ASTN2: variants seen among roughly 807,000 people sequenced by gnomAD.
ASTN2 encodes astrotactin-2.
A neutral mutation model predicts 139.8 loss-of-function variants in ASTN2; 54 were observed. That is an observed-to-expected ratio of 0.39 (90% CI 0.31 to 0.48). The LOEUF (loss-of-function observed/expected upper bound fraction) is 0.48, where lower values mean the gene tolerates loss of function less well. Ranked by LOEUF, ASTN2 falls within the 20% of genes least tolerant of loss-of-function variation. The pLI is 0.95. For synonymous variants in ASTN2, 756 were observed against 719.5 expected (o/e 1.05, Z -0.81); for missense variants, 1,565 against 1,725.1 (o/e 0.91, Z 1.64).
intron 16 of ASTN2, chr9:116,687,205 C>A: frequency 9.9e-7 from 1 of 1,010,970 alleles, no homozygotes; most frequent in African/African-American, 1.7e-5. Context: ...CGCCTTGCCC[C>A]GCGCGCTTGG....
Position 116,632,146 on chromosome 9 carries a change from GAGAGAGAGAGAC to G in ASTN2, c.3073-11715_3073-11704del, listed in dbSNP as rs1335784152. ...GAAAAAGAAGAGAGAGAGAGAGAGA[GAGAGAGAGAGAC>G]AGAGAGAGAGAGAGAGAGAGAGAGA... On this transcript the variant is annotated intron_variant, in intron 17 of 22. Coordinates refer to ENST00000313400, the MANE Select transcript of ASTN2 (RefSeq NM_001365068.1). Among the ~76,000 whole-genome samples the G allele has an allele frequency of 1.5e-3, 124 of 84,134 alleles. 3 individuals are homozygous for G. The highest frequency in any genetic ancestry group is 2.5e-3 in the Non-Finnish European group (108 of 43,654). The allele number at this position is 84,134 out of a possible 152,430, so 55.2% of individuals were successfully genotyped here. A position where few individuals can be genotyped will look rare whatever the true frequency, so the allele number is the denominator to read the frequency against.
chr9:116,577,298 G>T (rs1035749231), intron 19 of ASTN2, among the ~76,000 whole-genome samples: 5 of 152,182 alleles, frequency 3.3e-5, no homozygotes, highest in Non-Finnish European at 7.4e-5. Context: ...GGTAGTCAAG[G>T]TGACTGAATT....
chr9:116,850,682 C>G (rs570835951), intron 11 of ASTN2, among the ~76,000 whole-genome samples: 1 of 152,326 alleles, frequency 6.6e-6, no homozygotes, highest in East Asian at 1.9e-4. Flanking sequence ...ACCCCACCCC[C>G]TGCCTAAAAG....
At chr9:116,872,276 C>A (rs1833187539) in intron 10 of ASTN2, among the ~76,000 whole-genome samples, 1 of 152,140 alleles carries the variant, frequency 6.6e-6, no homozygotes, top group Non-Finnish European at 1.5e-5. Flanking sequence ...GATATTAATA[C>A]CTAACTAGCA....
chr9:117,344,278 A>G (rs1829148872), intron 1 of ASTN2, among the ~76,000 whole-genome samples: 1 of 152,164 alleles, frequency 6.6e-6, no homozygotes, highest in Non-Finnish European at 1.5e-5. Context: ...CCCTCTACGT[A>G]TGGAAATGAA....
At chr9:117,287,592 G>T (rs1449117797) in intron 2 of ASTN2, among the ~76,000 whole-genome samples, 1 of 152,068 alleles carries the variant, frequency 6.6e-6, no homozygotes, top group African/African-American at 2.4e-5. Flanking sequence ...TCCATCTTAA[G>T]GTTTGTTGTG....
At chr9:117,413,102 C>T (rs976164093) in intron 1 of ASTN2, among the ~76,000 whole-genome samples, 1 of 152,232 alleles carries the variant, frequency 6.6e-6, no homozygotes, top group South Asian at 2.1e-4. Context: ...AGGGGCTCGA[C>T]CCCCGAGGTT....
Position 117,181,220 on chromosome 9 carries a change from T to C in ASTN2, c.1015+33138A>G, listed in dbSNP as rs148693433. ...CTGCAGATGATCTGGAGTATTTCAATTATTCTTCACAGCAATGTATAAGCT... is the reference window on the plus strand; with the variant it reads ...CTGCAGATGATCTGGAGTATTTCAACTATTCTTCACAGCAATGTATAAGCT... On this transcript the variant is annotated intron_variant, in intron 3 of 22. Coordinates refer to ENST00000313400, the MANE Select transcript of ASTN2 (RefSeq NM_001365068.1). 646 of 600,700 alleles carry C rather than the reference T, an allele frequency of 1.1e-3. 3 individuals carry two copies. The highest frequency in any genetic ancestry group is 0.011 in the African/African-American group (581 of 54,232). 37.2% of individuals were successfully genotyped at this position (600,700 alleles called of 1,614,324 possible).
chr9:116,713,036 A>G (rs1452958655), intron 16 of ASTN2, among the ~76,000 whole-genome samples: 1 of 152,056 alleles, frequency 6.6e-6, no homozygotes, highest in African/African-American at 2.4e-5. Flanking sequence ...GGCCTTTTGA[A>G]TTGCCACTCA....
rs1287612830 is a variant in ASTN2 at position 116,597,307 on chromosome 9, T to A, written c.3355+21017A>T. ...TCCATGACTTTTGATCTATTTTTTT[T>A]TTTTTTTTTTTTTTTTGGAGATAAG... On this transcript the variant is annotated intron_variant, in intron 19 of 22. Coordinates refer to ENST00000313400, the MANE Select transcript of ASTN2 (RefSeq NM_001365068.1). Among the ~76,000 whole-genome samples the A allele has an allele frequency of 3.6e-5, 5 of 139,700 alleles. No homozygotes were observed. In the Admixed American group the frequency reaches 3.6e-4, roughly 10 times the overall value. 91.6% of individuals were successfully genotyped at this position (139,700 alleles called of 152,430 possible).
chr9:116,812,078 T>C (rs1470445874), intron 12 of ASTN2, among the ~76,000 whole-genome samples: 1 of 152,104 alleles, frequency 6.6e-6, no homozygotes, highest in Non-Finnish European at 1.5e-5. Context: ...TGTCTCTGAG[T>C]GTGTGTGTGT....
At chr9:116,855,222 C>A (rs185095061) in intron 11 of ASTN2, among the ~76,000 whole-genome samples, 1 of 152,174 alleles carries the variant, frequency 6.6e-6, no homozygotes, top group African/African-American at 2.4e-5. Flanking sequence ...ATGCCACACA[C>A]AATAATCTTG....
In ASTN2 at chr9:116,740,331, A is replaced by T. The variant is rs552129445; in HGVS notation, c.2397-6808T>A. ...TGTAGATTCCAGATGTGGCCTTGGG[A>T]TCTAGTGATAGAAAGAGCATGGGCT... On this transcript the variant is annotated intron_variant, in intron 13 of 22. Transcript: ENST00000313400. Among the ~76,000 whole-genome samples, 4 of 151,946 alleles carry T rather than the reference A, an allele frequency of 2.6e-5. No homozygotes were observed. The South Asian group carries it at 8.3e-4, about 31-fold the overall frequency.
At chr9:117,056,932 A>T (rs1839080888) in intron 5 of ASTN2, among the ~76,000 whole-genome samples, 1 of 152,258 alleles carries the variant, frequency 6.6e-6, no homozygotes, top group African/African-American at 2.4e-5. Context: ...CGTCTTTCAA[A>T]GCCTCATATC....
At chr9:117,372,206 G>T (rs1286498668) in intron 1 of ASTN2, among the ~76,000 whole-genome samples, 1 of 152,154 alleles carries the variant, frequency 6.6e-6, no homozygotes, top group Non-Finnish European at 1.5e-5. Flanking sequence ...GGGTGATTAT[G>T]TCCTTGGCAC....
intron 11 of ASTN2, among the ~76,000 whole-genome samples, chr9:116,853,330 G>A (rs1444580943): frequency 6.6e-6 from 1 of 152,118 alleles, no homozygotes; most frequent in Non-Finnish European, 1.5e-5. Flanking sequence ...AATACCTTAT[G>A]AATGCAAAAA....
In ASTN2 at chr9:116,827,057, C is replaced by T. The variant is rs549157738; in HGVS notation, c.2041-6274G>A. Among the ~76,000 whole-genome samples the T allele has an allele frequency of 9.9e-5, 15 of 152,122 alleles. No homozygotes were observed. In the East Asian group the frequency reaches 2.7e-3, roughly 27 times the overall value. On this transcript the variant is annotated intron_variant, in intron 11 of 22. Coordinates refer to ENST00000313400, the MANE Select transcript of ASTN2 (RefSeq NM_001365068.1). ...GGGAGTGGTGGCTCATGCTTGTAAT[C>T]CCAGCACTTTGGGAGGCTGAGGTGG...
At chr9:116,889,002 T>G (rs1038606072) in intron 10 of ASTN2, among the ~76,000 whole-genome samples, 1 of 152,184 alleles carries the variant, frequency 6.6e-6, no homozygotes, top group Non-Finnish European at 1.5e-5. Context: ...TCCAGCTCCA[T>G]CCACGTCCCT....
rs11451556 is a variant in ASTN2, at chr9:116,424,593, CTTTTT to C, written c.*1253_*1257del. Among the ~76,000 whole-genome samples the C allele has an allele frequency of 7.0e-6, 1 of 142,528 alleles. No homozygotes were observed. Among genetic ancestry groups the C allele is most frequent in the Non-Finnish European group, 1.5e-5 (1 of 65,834 alleles). 93.5% of individuals were successfully genotyped at this position (142,528 alleles called of 152,430 possible). On this transcript the variant is annotated 3_prime_UTR_variant, in exon 23 of 23. Transcript: ENST00000313400. ...CTCTTCTTCCTGGAGCAAATTCCAT[CTTTTT>C]TTTTTTTTTTAAGTTGTCACCTAGG... is the stretch of plus-strand genomic sequence containing the variant.
Sources: gnomAD v4.1 joint callset for allele counts (sites outside exome capture counted in the v4.1 genomes callset) on GRCh38, gnomAD v4.1.1 for gene constraint, MANE v1.5 for transcripts, NCBI Gene and HGNC (gene_info 2026-07-23, HGNC 2026-07-21) for gene names.